The following PTPRN2 variants were observed in gnomAD, a reference collection of about 807,000 sequenced individuals.
PTPRN2 encodes the protein receptor-type tyrosine-protein phosphatase N2.
A neutral mutation model predicts 118.8 loss-of-function variants in PTPRN2; 74 were observed. The observed-to-expected ratio is 0.62, with a 90% CI of 0.52 to 0.76. The LOEUF is 0.76. Among genes scored for constraint, PTPRN2 ranks in the 30% least tolerant of loss-of-function variants. The pLI is 0.00. For missense variants in PTPRN2, 1,481 were observed against 1,394.4 expected (o/e 1.06, Z -0.99); for synonymous variants, 641 against 608.0 (o/e 1.05, Z -0.80).
At chr7:158,105,848 A>C (rs1815640472) in intron 10 of PTPRN2, among the ~76,000 whole-genome samples, 1 of 151,224 alleles carries the variant, frequency 6.6e-6, no homozygotes, top group South Asian at 2.1e-4. Context: ...ATCCAGCTCC[A>C]TTGCAGCTCC....
intron 2 of PTPRN2, among the ~76,000 whole-genome samples, chr7:158,320,168 C>T (rs34127711): frequency 0.32 from 2,328 of 7,348 alleles, 171 homozygotes; most frequent in Middle Eastern, 0.4. Flanking sequence ...CAGCCTCCCT[C>T]GTACACACAC....
rs566265614 is a variant in PTPRN2 at position 157,690,364 on chromosome 7, G to A, written c.1789-7427C>T. On this transcript the variant is annotated intron_variant, in intron 12 of 22. Transcript: ENST00000389418. This position sits in a 1 kb window ranked among gnomAD's most constrained non-coding sequence, Gnocchi z 7.1. ...GAGCTCTCCGACGCCCTAGTTGCCCGTTAGAGCCCCCATGCGCGCCCTCCA... is the reference window on the plus strand; with the variant it reads ...GAGCTCTCCGACGCCCTAGTTGCCCATTAGAGCCCCCATGCGCGCCCTCCA... Among the ~76,000 whole-genome samples the A allele has an allele frequency of 1.8e-3, 280 of 152,280 alleles. No individual in the cohort carries two copies. Among genetic ancestry groups the A allele is most frequent in the Non-Finnish European group, 3.2e-3 (221 of 68,008 alleles).
intron 12 of PTPRN2, among the ~76,000 whole-genome samples, chr7:157,688,619 C>A (rs530821422): frequency 1.1e-4 from 16 of 152,338 alleles, no homozygotes; most frequent in African/African-American, 3.8e-4. Flanking sequence ...AGGTGCTTCT[C>A]GGGACGGGGC....
At chr7:157,702,632 A>G (rs1056559725) in intron 12 of PTPRN2, among the ~76,000 whole-genome samples, 1 of 152,250 alleles carries the variant, frequency 6.6e-6, no homozygotes, top group Non-Finnish European at 1.5e-5. Context: ...TATGGTGGAT[A>G]ATAATCTCTG....
At chr7:157,746,142 C>A (rs1796268) in intron 12 of PTPRN2, among the ~76,000 whole-genome samples, 1 of 150,354 alleles carries the variant, frequency 6.7e-6, no homozygotes, top group African/African-American at 2.5e-5. Context: ...GGCCTCCCTA[C>A]ACCCCACAGT....
intron 3 of PTPRN2, among the ~76,000 whole-genome samples, chr7:158,285,304 G>T (rs1799697102): frequency 6.6e-6 from 1 of 152,190 alleles, no homozygotes; most frequent in African/African-American, 2.4e-5. Flanking sequence ...AGGAGAAGGT[G>T]CCAGGACTCC....
At chr7:158,560,250 G>A (rs142514784) in intron 1 of PTPRN2, among the ~76,000 whole-genome samples, 3 of 152,328 alleles carry the variant, frequency 2.0e-5, no homozygotes, top group South Asian at 2.1e-4. Flanking sequence ...TCTAACCTTC[G>A]GTTATTGTGA....
intron 12 of PTPRN2, among the ~76,000 whole-genome samples, chr7:157,755,944 C>T (rs576641692): frequency 4.6e-5 from 7 of 152,330 alleles, no homozygotes; most frequent in Admixed American, 6.5e-5. Context: ...CCCACGGCAG[C>T]GTCCAGCACC....
chr7:158,365,389 C>A (rs909555818), intron 2 of PTPRN2, among the ~76,000 whole-genome samples: 6 of 152,162 alleles, frequency 3.9e-5, no homozygotes, highest in African/African-American at 1.4e-4. Flanking sequence ...CCTTCCTCAC[C>A]CCTCCCTTCC....
chr7:158,274,427 CAG>C (rs1798816258), intron 3 of PTPRN2, among the ~76,000 whole-genome samples: 1 of 134,472 alleles, frequency 7.4e-6, no homozygotes. Context: ...GAGCCGCAGA[CAG>C]ACATGGGAGG....
At chr7:158,316,542 CCTA>C (rs1476301173) in intron 3 of PTPRN2, among the ~76,000 whole-genome samples, 1 of 152,168 alleles carries the variant, frequency 6.6e-6, no homozygotes, top group African/African-American at 2.4e-5. Context: ...CCGACGCCTG[CCTA>C]CTTTGTGCCA....
intron 12 of PTPRN2, among the ~76,000 whole-genome samples, chr7:157,807,279 G>T (rs1248346778): frequency 6.6e-6 from 1 of 152,230 alleles, no homozygotes; most frequent in Non-Finnish European, 1.5e-5. Context: ...GAGTAGGAAT[G>T]CTTCCTGGCT....
intron 11 of PTPRN2, among the ~76,000 whole-genome samples, chr7:157,982,508 C>T (rs1585134352): frequency 7.1e-6 from 1 of 140,182 alleles, no homozygotes; most frequent in African/African-American, 2.7e-5. Flanking sequence ...TGCAGGGTCC[C>T]CCCAAACCCT....
At chr7:158,497,377 C>T (rs925726737) in intron 1 of PTPRN2, among the ~76,000 whole-genome samples, 1 of 150,606 alleles carries the variant, frequency 6.6e-6, no homozygotes, top group Non-Finnish European at 1.5e-5. Context: ...GTATGGAGCC[C>T]CCCAGTAAGT....
In PTPRN2 at chr7:158,394,893, G is replaced by A. The variant is rs545194567; in HGVS notation, c.164-77961C>T. On this transcript the variant is annotated intron_variant, in intron 2 of 22. Coordinates refer to ENST00000389418, the MANE Select transcript of PTPRN2 (RefSeq NM_002847.5). ...GAGACCGAATCGTCACAGGGACAGT[G>A]GGACAGCGGCCAGGCTGTGCAGGCC... Among the ~76,000 whole-genome samples, 5 of 152,340 alleles carry A rather than the reference G, an allele frequency of 3.3e-5. No homozygotes were observed. The South Asian group carries it at 1.0e-3, about 32-fold the overall frequency.
intron 12 of PTPRN2, among the ~76,000 whole-genome samples, chr7:157,848,087 G>T (rs1353560582): frequency 6.9e-6 from 1 of 144,082 alleles, no homozygotes; most frequent in Admixed American, 7.0e-5. Context: ...CATGGGTGCC[G>T]TATGTTTACA....
intron 12 of PTPRN2, among the ~76,000 whole-genome samples, chr7:157,823,851 A>G (rs1044930807): frequency 6.6e-6 from 1 of 152,180 alleles, no homozygotes; most frequent in Non-Finnish European, 1.5e-5. Flanking sequence ...TAATTCAGAT[A>G]CCCTAACCAG....
In PTPRN2 at chr7:157,874,722, C is replaced by T. The variant is rs1795609965; in HGVS notation, c.1788+23951G>A. ...AAGCAGACACACACTCATGCACACA[C>T]ACACAGAGACACACTCATGCACATA... On this transcript the variant is annotated intron_variant, in intron 12 of 22. Coordinates refer to ENST00000389418, the MANE Select transcript of PTPRN2 (RefSeq NM_002847.5). The surrounding 1 kb of genome is among the most constrained non-coding windows in gnomAD (Gnocchi z 5.8). 6.6e-6 allele frequency among the ~76,000 whole-genome samples: 1 copy of T among 152,008 alleles called. No homozygotes were observed. Among genetic ancestry groups the T allele is most frequent in the South Asian group, 2.1e-4 (1 of 4,830 alleles).
At position 158,053,650 on chromosome 7, in the gene PTPRN2, G is replaced by A. The variant is rs556883292; in HGVS notation, c.1723+27648C>T. Among the ~76,000 whole-genome samples, 68 of 152,288 alleles carry A rather than the reference G, an allele frequency of 4.5e-4. 1 individual carries two copies. The highest frequency in any genetic ancestry group is 1.2e-3 in the Admixed American group (18 of 15,296). ...ATTTAAACATGGCAGGCATTTGCCC[G>A]AAGCTGCTTGTAAATAAGCTGTGGG... is the stretch of plus-strand genomic sequence containing the variant. On this transcript the variant is annotated intron_variant, in intron 11 of 22. Coordinates refer to ENST00000389418, the MANE Select transcript of PTPRN2 (RefSeq NM_002847.5).
Sources: gnomAD v4.1 joint callset for allele counts (sites outside exome capture counted in the v4.1 genomes callset) on GRCh38, gnomAD v4.1.1 for gene constraint, Gnocchi (gnomAD v3.1) non-coding constraint, MANE v1.5 for transcripts, NCBI Gene and HGNC (gene_info 2026-07-23, HGNC 2026-07-21) for gene names.